Variants in PCDHGB5 observed in about 807,000 individuals in gnomAD.
PCDHGB5 encodes the protein protocadherin gamma subfamily B, 5, also known as protocadherin gamma-B5.
Under a neutral mutation model 62.9 loss-of-function variants are expected in PCDHGB5, and 48 were observed. The observed-to-expected ratio is 0.76, with a 90% CI of 0.61 to 0.97. The LOEUF is 0.97. Ranked by LOEUF, PCDHGB5 falls within the 50% of genes least tolerant of loss-of-function variation. The probability of loss-of-function intolerance (pLI) is 0.00; values close to 1 mark genes in which losing one functional copy is unlikely to be tolerated. For synonymous variants in PCDHGB5, 474 were observed against 511.2 expected, an observed-to-expected ratio of 0.93 and a Z score of 0.98; for missense variants, 1,118 against 1,198.6, an observed-to-expected ratio of 0.93 and a Z score of 0.99.
chr5:141,432,014 A>C lies in PCDHGB5; in HGVS notation c.2397+31490A>C, dbSNP rs778393699. Reference sequence around the variant, plus strand: ...GGATAGGGAACAGGTTCCTAGCTACAACATCACAGTGACCGCCACTGACCG... The same window carrying C: ...GGATAGGGAACAGGTTCCTAGCTACCACATCACAGTGACCGCCACTGACCG... On this transcript the variant is annotated intron_variant, in intron 1 of 3. Transcript: ENST00000617380. This position sits in a 1 kb window ranked among gnomAD's most constrained non-coding sequence, Gnocchi z 6.0. 16 of 1,614,196 alleles carry C rather than the reference A, an allele frequency of 9.9e-6. 1 individual carries two copies. In the South Asian group the frequency reaches 1.6e-4, roughly 17 times the overall value.
chr5:141,459,302 A>G (rs1401348885), intron 1 of PCDHGB5, among the ~76,000 whole-genome samples: 1 of 152,328 alleles, frequency 6.6e-6, no homozygotes, highest in Admixed American at 6.5e-5. Context: ...CCTATAACAT[A>G]TACTATTTTG....
At chr5:141,453,175 A>G (rs928062909) in intron 1 of PCDHGB5, among the ~76,000 whole-genome samples, 2 of 152,088 alleles carry the variant, frequency 1.3e-5, no homozygotes, top group African/African-American at 4.8e-5. Context: ...GTCCAGTGGT[A>G]CAATCACAGC....
chr5:141,421,831 G>C lies in PCDHGB5; in HGVS notation c.2397+21307G>C, dbSNP rs201283981. ...AGAGCTAGTACTGGAGGGAAGCCTG[G>C]ACCGAGAGAAAGAGGCTGCTCACCT... On this transcript the variant is annotated intron_variant, in intron 1 of 3. Transcript: ENST00000617380. 68 of 1,613,784 alleles carry C rather than the reference G, an allele frequency of 4.2e-5. 1 individual carries two copies. The East Asian group carries it at 1.4e-3, about 33-fold the overall frequency.
intron 1 of PCDHGB5, chr5:141,422,075 G>A (rs1192481253): frequency 1.9e-6 from 3 of 1,612,092 alleles, no homozygotes; most frequent in East Asian, 2.2e-5. Flanking sequence ...TATTCATTTC[G>A]GAACATGGAA....
chr5:141,413,906 C>G, intron 1 of PCDHGB5: 1 of 1,613,310 alleles, frequency 6.2e-7, no homozygotes. Context: ...GACAACGCGC[C>G]GGTCTTCACC....
chr5:141,421,524 G>A (rs375937711), intron 1 of PCDHGB5: 25 of 1,613,940 alleles, frequency 1.5e-5, no homozygotes, highest in Admixed American at 5.0e-5. Context: ...TCTGTGAGAC[G>A]GTGTCCTCCT....
intron 1 of PCDHGB5, chr5:141,478,026 C>G: frequency 6.2e-7 from 1 of 1,614,180 alleles, no homozygotes; most frequent in Non-Finnish European, 8.5e-7. Flanking sequence ...GTCCAAGACA[C>G]AGATTCACCC....
Position 141,476,231 on chromosome 5 carries a change from G to A in PCDHGB5, c.2398-18576G>A. The A allele has an allele frequency of 6.2e-7, 1 of 1,614,084 alleles. No individual in the cohort carries two copies. Among genetic ancestry groups the A allele is most frequent in the Non-Finnish European group, 8.5e-7 (1 of 1,180,034 alleles). On this transcript the variant is annotated intron_variant, in intron 1 of 3. Coordinates refer to ENST00000617380, the MANE Select transcript of PCDHGB5 (RefSeq NM_018925.3). The surrounding 1 kb of genome is among the most constrained non-coding windows in gnomAD (Gnocchi z 7.6). ...CACGGTCATTCACTATGAGATCCCG[G>A]AGGAAAGAGAGAAGGGTTTCGCTGT...
At position 141,487,425 on chromosome 5, in the gene PCDHGB5, G is replaced by A. The variant is rs116499036; in HGVS notation, c.2398-7382G>A. ...CTTCCCCCTTCCAATGGGATCCTCCGAATCCAGCTAGGGTCAGATGACCCT... is the reference window on the plus strand; with the variant it reads ...CTTCCCCCTTCCAATGGGATCCTCCAAATCCAGCTAGGGTCAGATGACCCT... On this transcript the variant is annotated intron_variant, in intron 1 of 3. Coordinates refer to ENST00000617380, the MANE Select transcript of PCDHGB5 (RefSeq NM_018925.3). This position sits in a 1 kb window ranked among gnomAD's most constrained non-coding sequence, Gnocchi z 5.0. The A allele has an allele frequency of 1.1e-5, 17 of 1,613,988 alleles. No individual in the cohort carries two copies. The highest frequency in any genetic ancestry group is 1.6e-4 in the Middle Eastern group (1 of 6,084).
intron 1 of PCDHGB5, chr5:141,418,650 T>A (rs764145825): frequency 5.0e-6 from 8 of 1,613,898 alleles, no homozygotes; most frequent in South Asian, 2.2e-5. Flanking sequence ...ATCCTGAGAG[T>A]GAAGGCCACT....
Position 141,457,874 on chromosome 5 carries a change from G to A in PCDHGB5, c.2398-36933G>A, listed in dbSNP as rs1592531610. Among the ~76,000 whole-genome samples, 7 of 152,320 alleles carry A rather than the reference G, an allele frequency of 4.6e-5. No homozygotes were observed. In the South Asian group the frequency reaches 1.5e-3, roughly 32 times the overall value. On this transcript the variant is annotated intron_variant, in intron 1 of 3. Transcript: ENST00000617380. ...ACATTCTTCACTGACCACAGGTTAGGAACCCTGTGTGGGGACTGTGTAGAC... is the reference window on the plus strand; with the variant it reads ...ACATTCTTCACTGACCACAGGTTAGAAACCCTGTGTGGGGACTGTGTAGAC...
intron 1 of PCDHGB5, chr5:141,409,449 C>A (rs1317609642): frequency 6.2e-7 from 1 of 1,613,934 alleles, no homozygotes; most frequent in South Asian, 1.1e-5. Flanking sequence ...GAGCAGACAC[C>A]AGAATACAAT....
intron 1 of PCDHGB5, among the ~76,000 whole-genome samples, chr5:141,434,982 A>G (rs908716553): frequency 3.3e-5 from 5 of 152,084 alleles, no homozygotes; most frequent in East Asian, 1.9e-4. Flanking sequence ...TTAATACTCT[A>G]TATCATTTTC....
chr5:141,497,414 C>A (rs1021294577), intron 2 of PCDHGB5, among the ~76,000 whole-genome samples: 34 of 152,066 alleles, frequency 2.2e-4, no homozygotes, highest in Admixed American at 2.0e-3. Flanking sequence ...CCCATTCCAT[C>A]AAATGAGAGG....
chr5:141,489,094 G>GAAT lies in PCDHGB5; in HGVS notation c.2398-5711_2398-5710insTAA, dbSNP rs2154581134. 5.1e-6 allele frequency: 2 copies of GAAT among 396,028 alleles called. No homozygotes were observed. Among genetic ancestry groups the GAAT allele is most frequent in the Non-Finnish European group, 9.0e-6 (2 of 221,296 alleles). 24.5% of individuals were successfully genotyped at this position (396,028 alleles called of 1,614,324 possible). Reference sequence around the variant, plus strand: ...CCCACCCCCGCCACTCGGTGACTAAGAACTGCTGCAAGCAGGCAAACCTCC... The same window carrying GAAT: ...CCCACCCCCGCCACTCGGTGACTAAGAATAACTGCTGCAAGCAGGCAAACCTCC... On this transcript the variant is annotated intron_variant, in intron 1 of 3. Coordinates refer to ENST00000617380, the MANE Select transcript of PCDHGB5 (RefSeq NM_018925.3). The surrounding 1 kb of genome is among the most constrained non-coding windows in gnomAD (Gnocchi z 4.5).
chr5:141,411,538 C>G (rs1418802121), intron 1 of PCDHGB5: 1 of 152,268 alleles, frequency 6.6e-6, no homozygotes, highest in Non-Finnish European at 1.5e-5. Context: ...GAGCCCTGAT[C>G]TTGCCACTGC....
chr5:141,419,549 T>C, intron 1 of PCDHGB5: 1 of 1,612,006 alleles, frequency 6.2e-7, no homozygotes, highest in Non-Finnish European at 8.5e-7. Context: ...GCGGGTGCTG[T>C]ACCCTGCGCT....
rs748017565 is a variant in PCDHGB5 at position 141,477,404 on chromosome 5, C to G, written c.2398-17403C>G. ...AGAATACAACCTCAGCATCACCGCCCGAGACGCCGGAACCCCTTCCCTCTC... is the reference window on the plus strand; with the variant it reads ...AGAATACAACCTCAGCATCACCGCCGGAGACGCCGGAACCCCTTCCCTCTC... On this transcript the variant is annotated intron_variant, in intron 1 of 3. Coordinates refer to ENST00000617380, the MANE Select transcript of PCDHGB5 (RefSeq NM_018925.3). The surrounding 1 kb of genome is among the most constrained non-coding windows in gnomAD (Gnocchi z 4.9). The G allele has an allele frequency of 1.9e-6, 3 of 1,614,042 alleles. No homozygotes were observed. Among genetic ancestry groups the G allele is most frequent in the African/African-American group, 1.3e-5 (1 of 74,902 alleles).
intron 1 of PCDHGB5, chr5:141,418,640 A>G (rs1042874136): frequency 1.2e-6 from 2 of 1,614,042 alleles, no homozygotes; most frequent in Non-Finnish European, 1.7e-6. Flanking sequence ...AGGCACCTCC[A>G]TCCTGAGAGT....
Sources: allele counts gnomAD v4.1 joint callset (sites outside exome capture counted in the v4.1 genomes callset), GRCh38; gene constraint gnomAD v4.1.1; non-coding constraint Gnocchi (gnomAD v3.1); transcripts MANE v1.5; gene names NCBI Gene and HGNC (gene_info 2026-07-23, HGNC 2026-07-21).